The following PDPN variants were observed in gnomAD, a reference collection of about 807,000 sequenced individuals.
PDPN encodes podoplanin, also known as PA2.26 antigen.
Under a neutral mutation model 23.2 loss-of-function variants are expected in PDPN, and 12 were observed. The ratio of observed to expected loss-of-function variants is 0.52; its 90% CI spans 0.33 to 0.84. PDPN has a LOEUF of 0.84. PDPN is among the 40% of genes least tolerant of loss of function. The pLI is 0.02. For missense variants in PDPN, 199 were observed against 212.2 expected, an observed-to-expected ratio of 0.94 and a Z score of 0.39; for synonymous variants, 77 against 76.7, an observed-to-expected ratio of 1.00 and a Z score of -0.02.
intron 1 of PDPN, among the ~76,000 whole-genome samples, chr1:13,602,833 G>T (rs1258314004): frequency 2.6e-5 from 4 of 152,086 alleles, no homozygotes; most frequent in Non-Finnish European, 5.9e-5. Context: ...CTCCGAAAGT[G>T]CTGGGATTAC....
intron 1 of PDPN, among the ~76,000 whole-genome samples, chr1:13,595,149 C>G (rs1640460598): frequency 6.6e-6 from 1 of 152,258 alleles, no homozygotes; most frequent in South Asian, 2.1e-4. Context: ...GTGAAAGATA[C>G]ACATGAGATT....
At chr1:13,589,556 A>G (rs191307164) in intron 1 of PDPN, among the ~76,000 whole-genome samples, 2 of 152,082 alleles carry the variant, frequency 1.3e-5, no homozygotes, top group Non-Finnish European at 2.9e-5. Context: ...ACAACAGACT[A>G]CTCGGCTGGA....
At chr1:13,606,595 G>A (rs1193282886) in intron 1 of PDPN, among the ~76,000 whole-genome samples, 1 of 152,098 alleles carries the variant, frequency 6.6e-6, no homozygotes, top group African/African-American at 2.4e-5. Context: ...TTGAGCCCAG[G>A]AGTTTGAGGT....
intron 1 of PDPN, among the ~76,000 whole-genome samples, chr1:13,605,203 TGATATAAGTGCTGTCTAAGCAGTGGGGAG>T: frequency 2.2e-5 from 2 of 89,060 alleles, no homozygotes; most frequent in Non-Finnish European, 5.6e-5. Flanking sequence ...AATGGATTGC[TGATATAAGTGCTGTCTAAGCAGTGGGGAG>T]AATAAGGTAT....
At chr1:13,592,358 G>T (rs561848549) in intron 1 of PDPN, among the ~76,000 whole-genome samples, 20 of 151,978 alleles carry the variant, frequency 1.3e-4, no homozygotes, top group Non-Finnish European at 1.9e-4. Context: ...TGTACTGTTG[G>T]CGTCATCTAG....
rs779818780 is a variant in PDPN at position 13,584,081 on chromosome 1, C to G, written c.48C>G (p.Leu16=). 1.5e-5 allele frequency: 25 copies of G among 1,612,992 alleles called. No homozygotes were observed. The East Asian group carries it at 1.6e-4, about 10-fold the overall frequency. ...TCTTCGTTTTGGGAAGCGCGTCGCT[C>G]TGGGTCCTGGCAGAAGGAGGTAAGA... ...ALLFVLGSAS[L]WVLAEGASTG... is the part of the protein sequence containing the mutation. Residue 16 remains leucine, a synonymous_variant, in exon 1 of 6, where the codon CTC becomes CTG. Transcript: ENST00000621990.
intron 1 of PDPN, among the ~76,000 whole-genome samples, chr1:13,606,902 A>T (rs1283598311): frequency 6.6e-6 from 1 of 152,138 alleles, no homozygotes; most frequent in Non-Finnish European, 1.5e-5. Flanking sequence ...GGCCACCTCG[A>T]TGGGGCCCCA....
chr1:13,584,880 A>G (rs1336442046), intron 1 of PDPN, among the ~76,000 whole-genome samples: 1 of 152,064 alleles, frequency 6.6e-6, no homozygotes, highest in East Asian at 1.9e-4. Context: ...CACAGCTTCC[A>G]TTACCCTTTG....
intron 1 of PDPN, among the ~76,000 whole-genome samples, chr1:13,594,106 A>G (rs1169747887): frequency 6.6e-6 from 1 of 152,142 alleles, no homozygotes; most frequent in Non-Finnish European, 1.5e-5. Context: ...ACTCCCATGA[A>G]CTCTGAAAAC....
intron 1 of PDPN, among the ~76,000 whole-genome samples, chr1:13,606,457 A>C (rs756083668): frequency 6.6e-6 from 1 of 152,174 alleles, no homozygotes; most frequent in Non-Finnish European, 1.5e-5. Flanking sequence ...TGTGGTTCTA[A>C]TTGTCCAAGT....
intron 3 of PDPN, among the ~76,000 whole-genome samples, chr1:13,612,319 G>T (rs1640955453): frequency 6.6e-6 from 1 of 152,190 alleles, no homozygotes; most frequent in Non-Finnish European, 1.5e-5. Context: ...TATGATCACA[G>T]TGCCATTGGG....
chr1:13,605,531 C>G (rs913051212), intron 1 of PDPN, among the ~76,000 whole-genome samples: 4 of 152,194 alleles, frequency 2.6e-5, no homozygotes, highest in African/African-American at 9.6e-5. Flanking sequence ...GTCACTGCAA[C>G]AGAAGTTGAA....
Position 13,610,468 on chromosome 1 carries a change from C to T in PDPN, c.283C>T (p.Gln95Ter). The T allele has an allele frequency of 1.9e-6, 3 of 1,614,090 alleles. No individual in the cohort carries two copies. The highest frequency in any genetic ancestry group is 2.5e-6 in the Non-Finnish European group (3 of 1,179,968). The change falls in exon 3 of 6, where the codon CAA becomes TAA. Residue 95 changes from glutamine to a stop codon, truncating the protein, a stop_gained. Coordinates refer to ENST00000621990, the MANE Select transcript of PDPN (RefSeq NM_006474.5). LOFTEE classifies it high-confidence loss of function. ...AGAAAGCACAGTCCACGCGCAAGAACAAAGTCCAAGCGCCACAGCCTCAAA... is the reference window on the plus strand; with the variant it reads ...AGAAAGCACAGTCCACGCGCAAGAATAAAGTCCAAGCGCCACAGCCTCAAA... ...TSESTVHAQEQSPSATASNVA... is the reference protein window; with the variant it reads ...TSESTVHAQE
At chr1:13,614,899 C>T (rs769116922) in intron 5 of PDPN, 4 of 488,588 alleles carry the variant, frequency 8.2e-6, no homozygotes, top group South Asian at 6.1e-5. Flanking sequence ...GAGTCAGAGC[C>T]AGAGGTGGCT....
At chr1:13,595,558 T>G (rs1640472835) in intron 1 of PDPN, among the ~76,000 whole-genome samples, 1 of 152,236 alleles carries the variant, frequency 6.6e-6, no homozygotes, top group Non-Finnish European at 1.5e-5. Flanking sequence ...GGATTTCTCC[T>G]GATTTCTCCA....
At chr1:13,609,454 C>T (rs937395797) in intron 2 of PDPN, among the ~76,000 whole-genome samples, 1 of 152,112 alleles carries the variant, frequency 6.6e-6, no homozygotes, top group Non-Finnish European at 1.5e-5. Flanking sequence ...AAAAAAATAA[C>T]ATGAAATTTA....
chr1:13,608,863 G>T (rs183455045), intron 2 of PDPN, among the ~76,000 whole-genome samples: 2 of 151,866 alleles, frequency 1.3e-5, no homozygotes, highest in Non-Finnish European at 2.9e-5. Flanking sequence ...CAGTTTTGGC[G>T]GGAAGAGTCG....
intron 5 of PDPN, 64 bp from the exon 6 acceptor site, chr1:13,615,841 T>C: frequency 6.9e-7 from 1 of 1,446,780 alleles, no homozygotes; most frequent in South Asian, 1.1e-5. Context: ...GAAAAAGGAC[T>C]CACGGAGTTA....
intron 1 of PDPN, among the ~76,000 whole-genome samples, chr1:13,605,108 A>G (rs1434012986): frequency 1.3e-5 from 2 of 152,194 alleles, no homozygotes; most frequent in East Asian, 3.8e-4. Flanking sequence ...CTAGGCATCA[A>G]AGAAGCTATA....
Sources: allele counts gnomAD v4.1 joint callset (sites outside exome capture counted in the v4.1 genomes callset), GRCh38; gene constraint gnomAD v4.1.1; transcripts MANE v1.5; gene names NCBI Gene and HGNC (gene_info 2026-07-23, HGNC 2026-07-21).